The following PDE3B variants were observed in gnomAD, a reference collection of about 807,000 sequenced individuals.
PDE3B encodes the protein cGMP-inhibited 3',5'-cyclic phosphodiesterase 3B.
Under a neutral mutation model 116.8 loss-of-function variants are expected in PDE3B, and 66 were observed. That is an observed-to-expected ratio of 0.56 (90% CI 0.46 to 0.69). The LOEUF is 0.69. Ranked by LOEUF, PDE3B falls within the 30% of genes least tolerant of loss-of-function variation. PDE3B has a pLI of 0.00. For missense variants in PDE3B, 1,384 were observed against 1,368.1 expected, an observed-to-expected ratio of 1.01 and a Z score of -0.18; for synonymous variants, 595 against 533.6, an observed-to-expected ratio of 1.12 and a Z score of -1.59.
At chr11:14,685,376 C>G (rs1854840232) in intron 1 of PDE3B, among the ~76,000 whole-genome samples, 1 of 149,854 alleles carries the variant, frequency 6.7e-6, no homozygotes, top group Non-Finnish European at 1.5e-5. Flanking sequence ...CCTAAACCTA[C>G]TATGTATTTG....
intron 8 of PDE3B, among the ~76,000 whole-genome samples, 185 bp from the exon 9 acceptor site, chr11:14,831,455 G>C (rs1440093952): frequency 6.6e-6 from 1 of 151,838 alleles, no homozygotes; most frequent in East Asian, 1.9e-4. Flanking sequence ...TATGTTTTTA[G>C]TTTTTGAAGA....
chr11:14,645,551 C>T (rs1853377285), intron 1 of PDE3B, among the ~76,000 whole-genome samples: 1 of 152,132 alleles, frequency 6.6e-6, no homozygotes, highest in Non-Finnish European at 1.5e-5. Context: ...GAGGAAAAAT[C>T]TGAGATTTTA....
intron 1 of PDE3B, among the ~76,000 whole-genome samples, chr11:14,707,211 G>A (rs893292265): frequency 3.9e-5 from 6 of 151,958 alleles, no homozygotes; most frequent in African/African-American, 9.7e-5. Context: ...ACATTTGAGC[G>A]AAGACCTGAG....
At chr11:14,700,241 A>G (rs545487097) in intron 1 of PDE3B, among the ~76,000 whole-genome samples, 1 of 151,860 alleles carries the variant, frequency 6.6e-6, no homozygotes, top group East Asian at 1.9e-4. Flanking sequence ...TGGTTTTTAT[A>G]TAAAGTGAAG....
intron 11 of PDE3B, among the ~76,000 whole-genome samples, chr11:14,836,331 T>A (rs1860052639): frequency 6.6e-6 from 1 of 152,146 alleles, no homozygotes; most frequent in Non-Finnish European, 1.5e-5. Flanking sequence ...ATATAATATA[T>A]AAATATAATA....
At chr11:14,758,263 C>T (rs1198626647) in intron 1 of PDE3B, among the ~76,000 whole-genome samples, 1 of 150,300 alleles carries the variant, frequency 6.7e-6, no homozygotes, top group Non-Finnish European at 1.5e-5. Context: ...GTTCTTTTGG[C>T]TTAGGATTGA....
chr11:14,648,851 T>G (rs1000668240), intron 1 of PDE3B, among the ~76,000 whole-genome samples: 8 of 152,160 alleles, frequency 5.3e-5, no homozygotes, highest in Admixed American at 5.2e-4. Context: ...TTATTGACAT[T>G]GTTGTGGGTT....
intron 1 of PDE3B, among the ~76,000 whole-genome samples, chr11:14,737,198 CTTT>C (rs71044022): frequency 2.7e-5 from 4 of 146,542 alleles, no homozygotes; most frequent in Admixed American, 1.4e-4. Flanking sequence ...AGGCTGCCTT[CTTT>C]TTTTTTTTTT....
chr11:14,649,355 C>G (rs1853499783), intron 1 of PDE3B, among the ~76,000 whole-genome samples: 1 of 152,114 alleles, frequency 6.6e-6, no homozygotes, highest in Non-Finnish European at 1.5e-5. Flanking sequence ...CAGAGTTTAT[C>G]TAATCTAATT....
intron 1 of PDE3B, among the ~76,000 whole-genome samples, chr11:14,752,786 A>G (rs949377536): frequency 6.6e-6 from 1 of 152,098 alleles, no homozygotes; most frequent in African/African-American, 2.4e-5. Flanking sequence ...GTCAAAGGCT[A>G]CTGTTATTCA....
chr11:14,667,112 T>G (rs1048811973), intron 1 of PDE3B, among the ~76,000 whole-genome samples: 1 of 150,994 alleles, frequency 6.6e-6, no homozygotes, highest in Non-Finnish European at 1.5e-5. Flanking sequence ...CCGTAAAAAA[T>G]GAGGAGTTCA....
At chr11:14,701,192 G>A (rs894731356) in intron 1 of PDE3B, among the ~76,000 whole-genome samples, 2 of 151,456 alleles carry the variant, frequency 1.3e-5, no homozygotes, top group Non-Finnish European at 3.0e-5. Context: ...TATTCATATT[G>A]TAGCTAGTTT....
chr11:14,838,797 C>G (rs1300085985), intron 11 of PDE3B, among the ~76,000 whole-genome samples: 1 of 152,146 alleles, frequency 6.6e-6, no homozygotes, highest in Non-Finnish European at 1.5e-5. Flanking sequence ...GAAGATGTAC[C>G]TACCAGAGAT....
At chr11:14,752,537 G>C (rs1042338277) in intron 1 of PDE3B, among the ~76,000 whole-genome samples, 2 of 152,056 alleles carry the variant, frequency 1.3e-5, no homozygotes, top group African/African-American at 4.8e-5. Context: ...TCTTTTCCCA[G>C]CTCTCTTCTA....
intron 1 of PDE3B, among the ~76,000 whole-genome samples, chr11:14,749,921 T>A (rs1857014883): frequency 7.0e-6 from 1 of 143,396 alleles, no homozygotes; most frequent in African/African-American, 2.6e-5. Flanking sequence ...TATGTATCTT[T>A]GTGGAAGCTG....
intron 2 of PDE3B, among the ~76,000 whole-genome samples, chr11:14,781,677 A>T (rs1310954327): frequency 6.6e-6 from 1 of 152,234 alleles, no homozygotes; most frequent in East Asian, 1.9e-4. Flanking sequence ...AATAAGAGCT[A>T]TGTATGACAA....
chr11:14,703,879 T>C (rs2133820520), intron 1 of PDE3B, among the ~76,000 whole-genome samples: 1 of 151,880 alleles, frequency 6.6e-6, no homozygotes. Context: ...TGGTAAGTTC[T>C]TTTTGTGTTT....
chr11:14,891,167 C>A, the PDE3B span: 1 of 985,426 alleles, frequency 1.0e-6, no homozygotes, highest in Non-Finnish European at 1.2e-6. Context: ...AAGCGGTGGT[C>A]GCCTTTTCCG....
intron 2 of PDE3B, among the ~76,000 whole-genome samples, chr11:14,777,346 C>G (rs1181676430): frequency 6.6e-6 from 1 of 152,140 alleles, no homozygotes; most frequent in Non-Finnish European, 1.5e-5. Context: ...GAAGTAATGG[C>G]TGAAAACTTC....
Sources: gnomAD v4.1 joint callset for allele counts (sites outside exome capture counted in the v4.1 genomes callset) on GRCh38, gnomAD v4.1.1 for gene constraint, MANE v1.5 for transcripts, NCBI Gene and HGNC (gene_info 2026-07-23, HGNC 2026-07-21) for gene names.